Variants in RAPH1 observed in about 807,000 individuals in gnomAD.
RAPH1 encodes the protein Ras association (RalGDS/AF-6) and pleckstrin homology domains 1.
RAPH1 carries 18 observed loss-of-function variants against 88.1 expected under a neutral mutation model. The observed-to-expected ratio is 0.20, with a 90% CI of 0.14 to 0.30. The LOEUF (loss-of-function observed/expected upper bound fraction) is 0.30, where lower values mean the gene tolerates loss of function less well. Among genes scored for constraint, RAPH1 ranks in the 10% least tolerant of loss-of-function variants. RAPH1 has a pLI of 1.00. For missense variants in RAPH1, 1,448 were observed against 1,543.2 expected, an observed-to-expected ratio of 0.94 and a Z score of 1.03; for synonymous variants, 587 against 559.0, an observed-to-expected ratio of 1.05 and a Z score of -0.71.
intron 4 of RAPH1, chr2:203,477,026 A>T (rs1281042887): frequency 1.6e-6 from 2 of 1,287,352 alleles, no homozygotes; most frequent in African/African-American, 2.9e-5. Context: ...AGGTCTAATG[A>T]ATGCATTCCT....
intron 5 of RAPH1, 64 bp from the exon 6 acceptor site, chr2:203,461,472 T>C: frequency 8.3e-7 from 1 of 1,206,286 alleles, no homozygotes; most frequent in Non-Finnish European, 1.1e-6. Context: ...AAGGCACTGA[T>C]CCAATATCAA....
chr2:203,505,109 A>T (rs1208971985), intron 1 of RAPH1, among the ~76,000 whole-genome samples: 3 of 152,188 alleles, frequency 2.0e-5, no homozygotes, highest in African/African-American at 7.2e-5. Context: ...CCTGTTACCC[A>T]GTTCCAAAGA....
intron 13 of RAPH1, chr2:203,443,592 G>A (rs2098506269): frequency 6.7e-6 from 1 of 150,110 alleles, no homozygotes; most frequent in Non-Finnish European, 1.5e-5. Flanking sequence ...TCCACATAAA[G>A]TATAATTTGA....
At position 203,454,412 on chromosome 2, in the gene RAPH1, A is replaced by G. The variant is rs1163007016; in HGVS notation, c.1413+18T>C. On this transcript the variant is annotated intron_variant, in intron 10 of 13. Transcript: ENST00000319170. ...GTCTAACATCAATTAAAATTCCTAAAAAGAAATATGTGTTTACCTTCAGCA... is the reference window on the plus strand; with the variant it reads ...GTCTAACATCAATTAAAATTCCTAAGAAGAAATATGTGTTTACCTTCAGCA... The G allele has an allele frequency of 1.9e-6, 3 of 1,544,984 alleles. No individual in the cohort carries two copies. The highest frequency in any genetic ancestry group is 2.7e-6 in the Non-Finnish European group (3 of 1,123,992).
rs1350651739 is a variant in RAPH1 at position 203,434,792 on chromosome 2, A to G, written c.*4645T>C. The G allele has an allele frequency of 6.6e-6, 1 of 152,484 alleles. No individual in the cohort carries two copies. Among genetic ancestry groups the G allele is most frequent in the Admixed American group, 6.5e-5 (1 of 15,282 alleles). The allele number at this position is 152,484 out of a possible 1,614,324, so 9.4% of individuals were successfully genotyped here. A position where few individuals can be genotyped will look rare whatever the true frequency, so the allele number is the denominator to read the frequency against. On this transcript the variant is annotated 3_prime_UTR_variant, in exon 14 of 14. Coordinates refer to ENST00000319170, the MANE Select transcript of RAPH1 (RefSeq NM_213589.3). ...AACATAATTAATTCTCAACTTAACC[A>G]TCTATAAAATATGTAGTGTTCACCA...
At chr2:203,461,817 A>G (rs192427006) in intron 5 of RAPH1, 31 bp downstream of exon 5, 1 of 1,549,984 alleles carries the variant, frequency 6.5e-7, no homozygotes, top group Non-Finnish European at 8.7e-7. Context: ...TGATAAAAAA[A>G]TCCCAAACCA....
At chr2:203,499,044 TG>T (rs796767840) in intron 1 of RAPH1, among the ~76,000 whole-genome samples, 21 of 151,820 alleles carry the variant, frequency 1.4e-4, no homozygotes, top group African/African-American at 5.1e-4. Flanking sequence ...CACCTGGGTT[TG>T]TGTAAGTACA....
At chr2:203,442,161 A>G in intron 13 of RAPH1, 1 of 1,398,218 alleles carries the variant, frequency 7.2e-7, no homozygotes, top group Admixed American at 2.5e-5. Context: ...GCCAGAAGAA[A>G]TTAAGAGGAA....
intron 4 of RAPH1, among the ~76,000 whole-genome samples, chr2:203,474,103 C>T (rs2098535376): frequency 1.3e-5 from 2 of 152,168 alleles, no homozygotes; most frequent in Admixed American, 6.5e-5. Context: ...GAAAAAGCTA[C>T]AGTCCTGGAG....
intron 2 of RAPH1, 83 bp downstream of exon 2, chr2:203,495,151 A>C: frequency 6.8e-7 from 1 of 1,464,300 alleles, no homozygotes; most frequent in Non-Finnish European, 9.4e-7. Flanking sequence ...AATTTAACTT[A>C]TATCCATATC....
chr2:203,464,805 A>G (rs1324776624), intron 4 of RAPH1, among the ~76,000 whole-genome samples: 8 of 152,234 alleles, frequency 5.3e-5, no homozygotes, highest in Non-Finnish European at 1.0e-4. Flanking sequence ...ATTCTTTAAA[A>G]CAAAAATGAA....
chr2:203,462,796 C>T (rs910682740), intron 4 of RAPH1, among the ~76,000 whole-genome samples: 2 of 152,116 alleles, frequency 1.3e-5, no homozygotes, highest in African/African-American at 4.8e-5. Flanking sequence ...CCATAATATG[C>T]TGTGGCATTA....
At chr2:203,451,872 G>T (rs1446977383) in intron 10 of RAPH1, among the ~76,000 whole-genome samples, 1 of 152,148 alleles carries the variant, frequency 6.6e-6, no homozygotes, top group African/African-American at 2.4e-5. Flanking sequence ...AGCAGAAAAT[G>T]TACTCTGGGC....
At chr2:203,455,266 G>T (rs1050508370) in intron 9 of RAPH1, among the ~76,000 whole-genome samples, 171 bp downstream of exon 9, 2 of 152,182 alleles carry the variant, frequency 1.3e-5, no homozygotes, top group Non-Finnish European at 1.5e-5. Flanking sequence ...AGAGAAGTAA[G>T]AACTTTCAGG....
At chr2:203,477,380 C>T (rs1453765563) in intron 4 of RAPH1, among the ~76,000 whole-genome samples, 1 of 152,224 alleles carries the variant, frequency 6.6e-6, no homozygotes, top group African/African-American at 2.4e-5. Context: ...AGGATAACCT[C>T]ACTCCACTTC....
chr2:203,474,765 T>C (rs1392578319), intron 4 of RAPH1, among the ~76,000 whole-genome samples: 1 of 152,210 alleles, frequency 6.6e-6, no homozygotes. Context: ...TTAACGTTAT[T>C]AGTAAAAATT....
chr2:203,513,693 G>A (rs1170531464), intron 1 of RAPH1, among the ~76,000 whole-genome samples: 2 of 150,706 alleles, frequency 1.3e-5, no homozygotes, highest in Non-Finnish European at 3.0e-5. Context: ...AAATTAGCCA[G>A]GTGTGGTGGC....
chr2:203,465,852 TGGGTGAC>T (rs2098528029), intron 4 of RAPH1, among the ~76,000 whole-genome samples: 1 of 151,982 alleles, frequency 6.6e-6, no homozygotes, highest in South Asian at 2.1e-4. Flanking sequence ...TACTCCAGCC[TGGGTGAC>T]ACAGCAAGAC....
intron 4 of RAPH1, 121 bp downstream of exon 4, chr2:203,489,463 A>G: frequency 1.4e-6 from 1 of 715,596 alleles, no homozygotes; most frequent in Non-Finnish European, 2.0e-6. Context: ...AACCTATCTC[A>G]GAAGTATCTT....
Sources: gnomAD v4.1 joint callset for allele counts (sites outside exome capture counted in the v4.1 genomes callset) on GRCh38, gnomAD v4.1.1 for gene constraint, MANE v1.5 for transcripts, NCBI Gene and HGNC (gene_info 2026-07-23, HGNC 2026-07-21) for gene names.